CSHL1: variants seen among roughly 807,000 people sequenced by gnomAD.
CSHL1 encodes chorionic somatomammotropin hormone-like 1.
CSHL1 carries 25 observed loss-of-function variants against 24.3 expected under a neutral mutation model. The observed-to-expected ratio is 1.03, with a 90% CI of 0.75 to 1.44. CSHL1 has a LOEUF of 1.44. Among genes scored for constraint, CSHL1 ranks in the 40% most tolerant of loss-of-function variants. The pLI is 0.00. For synonymous variants in CSHL1, 157 were observed against 115.6 expected (o/e 1.36, Z -2.30); for missense variants, 342 against 279.3 (o/e 1.22, Z -1.60).
chr17:63,910,847 C>A lies in CSHL1; in HGVS notation c.88G>T (p.Val30Phe). The change falls in exon 2 of 5, where the codon GTT (valine) becomes TTT (phenylalanine). Residue 30 changes from valine (V) to phenylalanine (F), a missense_variant. Transcript: ENST00000309894. ...WLQEAGAVQT[V>F]PLSRLFKEAM... ...TCTTTAAAAAGCCTGGATAAGGGAA[C>A]GGTTTGGACGGCACCAGCCTCTTGA... 6.2e-7 allele frequency: 1 copy of A among 1,614,136 alleles called. No homozygotes were observed. The highest frequency in any genetic ancestry group is 2.2e-5 in the East Asian group (1 of 44,878).
chr17:63,910,857 G>T lies in CSHL1; in HGVS notation c.78C>A (p.Ala26=), dbSNP rs755668471. 1.2e-6 allele frequency: 2 copies of T among 1,614,154 alleles called. No individual in the cohort carries two copies. Among genetic ancestry groups the T allele is most frequent in the Admixed American group, 1.7e-5 (1 of 60,030 alleles). ...GCCTGGATAAGGGAACGGTTTGGAC[G>T]GCACCAGCCTCTTGAAGCCAGGGCA... ...LCLPWLQEAG[A]VQTVPLSRLF... Residue 26 remains alanine, a synonymous_variant, in exon 2 of 5, where the codon GCC becomes GCA. Transcript: ENST00000309894.
intron 1 of CSHL1, 59 bp downstream of exon 1, chr17:63,911,128 A>C: frequency 6.2e-7 from 1 of 1,612,432 alleles, no homozygotes; most frequent in Admixed American, 1.7e-5. Context: ...TCCCATCTGC[A>C]GGGCGCCGCC....
rs1277529013 is a variant in CSHL1, at chr17:63,911,185, A to G, written c.10+2T>C. Reference sequence around the variant, plus strand: ...GCCCAAAGGGATTTTAGGGGCGCTTACCTGCAGCCATTGCCGCTAGGTGAG... The same window carrying G: ...GCCCAAAGGGATTTTAGGGGCGCTTGCCTGCAGCCATTGCCGCTAGGTGAG... On this transcript the variant is annotated splice_donor_variant, in intron 1 of 4. Coordinates refer to ENST00000309894, the MANE Select transcript of CSHL1 (RefSeq NM_022579.3). LOFTEE classifies it high-confidence loss of function. The G allele has an allele frequency of 4.3e-6, 7 of 1,613,682 alleles. No homozygotes were observed. The Admixed American group carries it at 1.0e-4, about 23-fold the overall frequency.
At position 63,911,246 on chromosome 17, in the gene CSHL1, G is replaced by A. The variant is rs372164601; in HGVS notation, c.-50C>T. The A allele has an allele frequency of 1.2e-6, 2 of 1,613,860 alleles. No individual in the cohort carries two copies. Among genetic ancestry groups the A allele is most frequent in the African/African-American group, 1.3e-5 (1 of 74,910 alleles). ...GACCCTGAGTGGTGCGGGGAGTCGG[G>A]CCTTGGGATGCTGGAGCTGGTCTCT... is the stretch of plus-strand genomic sequence containing the variant. On this transcript the variant is annotated 5_prime_UTR_variant, in exon 1 of 5. Coordinates refer to ENST00000309894, the MANE Select transcript of CSHL1 (RefSeq NM_022579.3).
chr17:63,910,150 T>C lies in CSHL1; in HGVS notation c.471+12A>G, dbSNP rs765584091. 2.4e-5 allele frequency: 38 copies of C among 1,614,032 alleles called. 1 individual carries two copies. The highest frequency in any genetic ancestry group is 1.5e-4 in the South Asian group (14 of 91,082). ...GGCTTCCAGGATTGGGGACCCCTGG[T>C]GCCACCCTCACCCCCATCAGCATTT... On this transcript the variant is annotated intron_variant, in intron 4 of 4. Coordinates refer to ENST00000309894, the MANE Select transcript of CSHL1 (RefSeq NM_022579.3).
chr17:63,910,784 TG>T lies in CSHL1; in HGVS notation c.150del (p.Ile51LeufsTer8). The T allele has an allele frequency of 1.2e-6, 2 of 1,614,220 alleles. No homozygotes were observed. Among genetic ancestry groups the T allele is most frequent in the South Asian group, 2.2e-5 (2 of 91,082 alleles). Reference protein sequence around the residue: ...MLQAHRAHQLAIDTYQEFISS... With the variant: ...MLQAHRAHQLXIDTYQEFISS... ...CTTATAAACTCCTGGTAGGTGTCAA[TG>T]GCCAGCTGGTGTGCGCGATGGGCTT... On this transcript the variant is annotated frameshift_variant, in exon 2 of 5. Coordinates refer to ENST00000309894, the MANE Select transcript of CSHL1 (RefSeq NM_022579.3). LOFTEE classifies it high-confidence loss of function.
rs747805863 is a variant in CSHL1, at chr17:63,910,760, T to A, written c.175A>T (p.Ser59Cys). 14 of 1,614,086 alleles carry A rather than the reference T, an allele frequency of 8.7e-6. No individual in the cohort carries two copies. In the African/African-American group the frequency reaches 1.7e-4, roughly 20 times the overall value. Reference protein sequence around the residue: ...LAIDTYQEFISSWGMEAYITK... With the variant: ...LAIDTYQEFICSWGMEAYITK... ...TGACCCGCACCCATTCCCCAAGAGCTTATAAACTCCTGGTAGGTGTCAATG... is the reference window on the plus strand; with the variant it reads ...TGACCCGCACCCATTCCCCAAGAGCATATAAACTCCTGGTAGGTGTCAATG... The change falls in exon 2 of 5, where the codon AGC becomes TGC. Residue 59 changes from serine (S) to cysteine (C), a missense_variant. Ser to Cys is a moderately radical substitution (Grantham distance 112). Coordinates refer to ENST00000309894, the MANE Select transcript of CSHL1 (RefSeq NM_022579.3).
At chr17:63,910,129 T>C in intron 4 of CSHL1, 33 bp downstream of exon 4, 1 of 1,614,146 alleles carries the variant, frequency 6.2e-7, no homozygotes, top group South Asian at 1.1e-5. Flanking sequence ...CCAGTGGGCT[T>C]CCAGGATTGG....
rs1490409729 is a variant in CSHL1 at position 63,910,777 on chromosome 17, G to A, written c.158C>T (p.Thr53Ile). Reference sequence around the variant, plus strand: ...CCAAGAGCTTATAAACTCCTGGTAGGTGTCAATGGCCAGCTGGTGTGCGCG... The same window carrying A: ...CCAAGAGCTTATAAACTCCTGGTAGATGTCAATGGCCAGCTGGTGTGCGCG... ...AHRAHQLAID[T>I]YQEFISSWGM... is the part of the protein sequence containing the mutation. Residue 53 changes from threonine (T) to isoleucine (I), a missense_variant, in exon 2 of 5, where the codon ACC (threonine) becomes ATC (isoleucine). Physicochemically the swap from Thr to Ile is moderately conservative, Grantham distance 89. Transcript: ENST00000309894. 2 of 1,614,254 alleles carry A rather than the reference G, an allele frequency of 1.2e-6. No homozygotes were observed. Among genetic ancestry groups the A allele is most frequent in the East Asian group, 2.2e-5 (1 of 44,888 alleles).
chr17:63,910,252 G>C lies in CSHL1; in HGVS notation c.381C>G (p.Thr127=), dbSNP rs61762513. ...RLEPVRFLRS[T]FTNNLVYDTS... ...TGTCATACACCAGGTTGTTGGTGAA[G>C]GTACTCCTGAGGAACCGCACGGGCT... is the stretch of plus-strand genomic sequence containing the variant. Residue 127 remains threonine (T), a synonymous_variant, in exon 4 of 5, where the codon ACC becomes ACG. Coordinates refer to ENST00000309894, the MANE Select transcript of CSHL1 (RefSeq NM_022579.3). 6.3e-4 allele frequency: 1,012 copies of C among 1,614,144 alleles called. 8 individuals are homozygous for C. The African/African-American group carries it at 0.011, about 18-fold the overall frequency.
At chr17:63,910,951 G>T (rs1430160099) in intron 1 of CSHL1, 27 bp from the exon 2 acceptor site, 3 of 1,613,440 alleles carry the variant, frequency 1.9e-6, no homozygotes, top group Admixed American at 1.7e-5. Flanking sequence ...GGGCAAGAAG[G>T]GAGCCGCAGA....
At chr17:63,910,381 C>T (rs61762510) in intron 3 of CSHL1, 39 bp downstream of exon 3, 2 of 1,614,168 alleles carry the variant, frequency 1.2e-6, no homozygotes, top group East Asian at 2.2e-5. Context: ...GACCACAGGT[C>T]TCCCCCATCC....
At chr17:63,910,381 C>G in intron 3 of CSHL1, 39 bp downstream of exon 3, 3 of 1,614,168 alleles carry the variant, frequency 1.9e-6, no homozygotes, top group East Asian at 2.2e-5. Context: ...GACCACAGGT[C>G]TCCCCCATCC....
At chr17:63,910,978 C>A (rs577749940) in intron 1 of CSHL1, 54 bp from the exon 2 acceptor site, 3 of 1,612,402 alleles carry the variant, frequency 1.9e-6, no homozygotes, top group Non-Finnish European at 2.5e-6. Flanking sequence ...GGCCAGCACT[C>A]TCCCTGTTCC....
intron 1 of CSHL1, 107 bp from the exon 2 acceptor site, chr17:63,911,031 C>T (rs61762508): frequency 3.7e-6 from 6 of 1,610,452 alleles, no homozygotes; most frequent in Non-Finnish European, 5.1e-6. Flanking sequence ...CTCCAGGGAC[C>T]AGGAACATTC....
At chr17:63,911,126 G>T in intron 1 of CSHL1, 61 bp downstream of exon 1, 1 of 1,610,016 alleles carries the variant, frequency 6.2e-7, no homozygotes, top group East Asian at 2.2e-5. Flanking sequence ...CGTCCCATCT[G>T]CAGGGCGCCG....
Position 63,909,844 on chromosome 17 carries a change from G to T in CSHL1, c.536C>A (p.Thr179Lys). ...CAGTGCGTCATGGTTGTGCGAGTTT[G>T]TGTCAAACTTGCTGTAGGTCTGCTT... The part of the protein sequence containing the change: ...TLKQTYSKFD[T>K]NSHNHDALLK... The change falls in exon 5 of 5, where the codon ACA (threonine) becomes AAA (lysine). Residue 179 changes from threonine to lysine, a missense_variant. Coordinates refer to ENST00000309894, the MANE Select transcript of CSHL1 (RefSeq NM_022579.3). 6.2e-7 allele frequency: 1 copy of T among 1,614,004 alleles called. No individual in the cohort carries two copies. The highest frequency in any genetic ancestry group is 1.3e-5 in the African/African-American group (1 of 75,032).
chr17:63,910,856 C>A lies in CSHL1; in HGVS notation c.79G>T (p.Val27Phe), dbSNP rs142433874. 4 of 1,614,140 alleles carry A rather than the reference C, an allele frequency of 2.5e-6. No individual in the cohort carries two copies. The highest frequency in any genetic ancestry group is 2.5e-6 in the Non-Finnish European group (3 of 1,180,034). Residue 27 changes from valine to phenylalanine, a missense_variant, in exon 2 of 5, where the codon GTC becomes TTC. Val to Phe is a conservative substitution (Grantham distance 50). Coordinates refer to ENST00000309894, the MANE Select transcript of CSHL1 (RefSeq NM_022579.3). The part of the protein sequence containing the change: ...CLPWLQEAGA[V>F]QTVPLSRLFK... ...AGCCTGGATAAGGGAACGGTTTGGA[C>A]GGCACCAGCCTCTTGAAGCCAGGGC...
intron 4 of CSHL1, 55 bp from the exon 5 acceptor site, chr17:63,909,963 C>G: frequency 6.2e-7 from 1 of 1,614,006 alleles, no homozygotes; most frequent in Non-Finnish European, 8.5e-7. Context: ...TGTTCCCTCC[C>G]TCTCTCATTT....
Sources: gnomAD v4.1 joint callset for allele counts on GRCh38, gnomAD v4.1.1 for gene constraint, MANE v1.5 for transcripts, NCBI Gene and HGNC (gene_info 2026-07-23, HGNC 2026-07-21) for gene names.